GABRB3: variants seen among roughly 807,000 people sequenced by gnomAD.
The protein encoded by GABRB3 is gamma-aminobutyric acid type A receptor subunit beta3.
Under a neutral mutation model 52.1 loss-of-function variants are expected in GABRB3, and 14 were observed. The ratio of observed to expected loss-of-function variants is 0.27; its 90% confidence interval spans 0.18 to 0.42. GABRB3 has a LOEUF of 0.42. Among genes scored for constraint, GABRB3 ranks in the 10% least tolerant of loss-of-function variants. GABRB3 has a pLI of 1.00. For missense variants in GABRB3, 307 were observed against 609.1 expected (o/e 0.50, Z 5.22); for synonymous variants, 260 against 232.3 (o/e 1.12, Z -1.08).
rs367588016 is a variant in GABRB3 at position 26,745,404 on chromosome 15, A to G, written c.240+26998T>C. 3.3e-3 allele frequency among the ~76,000 whole-genome samples: 497 copies of G among 152,342 alleles called. 2 individuals are homozygous for G. Among genetic ancestry groups the G allele is most frequent in the Middle Eastern group, 0.014 (4 of 294 alleles). ...TGTTTACATCTTGTGTAACTATAGT[A>G]CAATATCAAAACCAGGAAAGTGATA... On this transcript the variant is annotated intron_variant, in intron 3 of 8. Transcript: ENST00000311550.
chr15:26,616,665 G>C (rs566130976), intron 4 of GABRB3, among the ~76,000 whole-genome samples: 1 of 150,668 alleles, frequency 6.6e-6, no homozygotes, highest in Admixed American at 6.6e-5. Flanking sequence ...GGCTGTTTGA[G>C]AGGCATGATG....
chr15:26,751,433 A>G (rs182635873), intron 3 of GABRB3, among the ~76,000 whole-genome samples: 116 of 152,318 alleles, frequency 7.6e-4, no homozygotes, highest in African/African-American at 2.5e-3. Flanking sequence ...CCCAGCAGTA[A>G]TAACAGTGCA....
Position 26,592,659 on chromosome 15 carries a change from A to C in GABRB3, c.462-9245T>G, listed in dbSNP as rs544792742. Among the ~76,000 whole-genome samples, 173 of 152,328 alleles carry C rather than the reference A, an allele frequency of 1.1e-3. 1 individual carries two copies. The highest frequency in any genetic ancestry group is 2.3e-3 in the Non-Finnish European group (159 of 68,030). ...TGAAATCTGTACTGAAGGCAAGGGA[A>C]TAGAATTAACATGGCTGAAAATCCT... On this transcript the variant is annotated intron_variant, in intron 4 of 8. Coordinates refer to ENST00000311550, the MANE Select transcript of GABRB3 (RefSeq NM_000814.6).
chr15:26,600,560 G>A (rs1488580404), intron 4 of GABRB3, among the ~76,000 whole-genome samples: 2 of 152,186 alleles, frequency 1.3e-5, no homozygotes, highest in African/African-American at 4.8e-5. Flanking sequence ...TGCATTCTAA[G>A]AAAGAGTGGT....
chr15:26,605,338 T>C (rs1891749249), intron 4 of GABRB3, among the ~76,000 whole-genome samples: 1 of 152,166 alleles, frequency 6.6e-6, no homozygotes, highest in Non-Finnish European at 1.5e-5. Context: ...ACAACCACCA[T>C]GCAGAAAAAT....
intron 3 of GABRB3, among the ~76,000 whole-genome samples, chr15:26,670,555 G>C (rs955953318): frequency 1.3e-5 from 2 of 152,190 alleles, no homozygotes; most frequent in African/African-American, 4.8e-5. Context: ...GCCAGCTCTC[G>C]AGCCGCGCGG....
intron 6 of GABRB3, among the ~76,000 whole-genome samples, chr15:26,573,365 T>C (rs1332950634): frequency 1.3e-5 from 2 of 152,062 alleles, no homozygotes; most frequent in East Asian, 3.8e-4. Context: ...GAAAAGGAAA[T>C]ATAAGAAATA....
chr15:26,549,659 C>A (rs571879683), intron 8 of GABRB3, among the ~76,000 whole-genome samples: 2 of 152,216 alleles, frequency 1.3e-5, no homozygotes, highest in Admixed American at 1.3e-4. Context: ...AAGCATACAA[C>A]CATGAGTGGA....
At chr15:26,728,683 G>A (rs560292207) in intron 3 of GABRB3, among the ~76,000 whole-genome samples, 10 of 152,294 alleles carry the variant, frequency 6.6e-5, no homozygotes, top group East Asian at 1.9e-4. Context: ...CATCATTAAC[G>A]TATTTCATCT....
intron 8 of GABRB3, 70 bp downstream of exon 8, chr15:26,560,862 A>G: frequency 1.2e-6 from 2 of 1,604,404 alleles, no homozygotes; most frequent in Non-Finnish European, 1.7e-6. Flanking sequence ...ACAAAGAAAT[A>G]TCATGCAAGT....
At chr15:26,711,144 T>A (rs1889280944) in intron 3 of GABRB3, among the ~76,000 whole-genome samples, 1 of 152,234 alleles carries the variant, frequency 6.6e-6, no homozygotes, top group Non-Finnish European at 1.5e-5. Context: ...CATCTTCCCT[T>A]TGGAATGATA....
intron 4 of GABRB3, among the ~76,000 whole-genome samples, chr15:26,598,206 G>GT (rs59896096): frequency 2.8e-3 from 423 of 149,950 alleles, no homozygotes; most frequent in African/African-American, 7.9e-3. Flanking sequence ...TAGATCACAA[G>GT]TTTTTTTTTT....
chr15:26,732,766 G>A (rs1889967044), intron 3 of GABRB3, among the ~76,000 whole-genome samples: 1 of 152,080 alleles, frequency 6.6e-6, no homozygotes, highest in Non-Finnish European at 1.5e-5. Context: ...CGAGGCAGGT[G>A]GATCGCGAGG....
intron 3 of GABRB3, among the ~76,000 whole-genome samples, chr15:26,686,614 G>A (rs1000663486): frequency 1.3e-5 from 2 of 152,206 alleles, no homozygotes; most frequent in Admixed American, 1.3e-4. Flanking sequence ...ATAGCTCATG[G>A]AAATATACCC....
At chr15:26,582,147 A>G (rs1218533226) in intron 5 of GABRB3, among the ~76,000 whole-genome samples, 1 of 152,214 alleles carries the variant, frequency 6.6e-6, no homozygotes, top group African/African-American at 2.4e-5. Flanking sequence ...GACCTCACAC[A>G]TGGAGAGAAC....
intron 3 of GABRB3, among the ~76,000 whole-genome samples, chr15:26,749,500 T>A (rs1026334979): frequency 1.3e-5 from 2 of 152,222 alleles, no homozygotes; most frequent in Non-Finnish European, 2.9e-5. Context: ...CTGCTTTTGT[T>A]GTGTAAAATG....
intron 3 of GABRB3, among the ~76,000 whole-genome samples, chr15:26,673,736 C>T (rs1055318429): frequency 1.3e-5 from 2 of 152,156 alleles, no homozygotes; most frequent in African/African-American, 2.4e-5. Context: ...CCACTCTTCA[C>T]GGCAGATGCC....
In GABRB3 at chr15:26,617,701, A is replaced by G. The variant is rs1595486639; in HGVS notation, c.461+3613T>C. On this transcript the variant is annotated intron_variant, in intron 4 of 8. Coordinates refer to ENST00000311550, the MANE Select transcript of GABRB3 (RefSeq NM_000814.6). ...AGGAGAAGGAAATAAAGGGTATTCA[A>G]TTAGGAAAAGAGGAAGTCAAATTGT... is the stretch of plus-strand genomic sequence containing the variant. Among the ~76,000 whole-genome samples, 6 of 152,140 alleles carry G rather than the reference A, an allele frequency of 3.9e-5. No individual in the cohort carries two copies. The South Asian group carries it at 8.3e-4, about 21-fold the overall frequency.
At chr15:26,718,604 GTT>G (rs773697909) in intron 3 of GABRB3, among the ~76,000 whole-genome samples, 1 of 151,194 alleles carries the variant, frequency 6.6e-6, no homozygotes, top group Non-Finnish European at 1.5e-5. Flanking sequence ...TGCTCAATGT[GTT>G]TTTTTTTCTT....
Sources: allele counts gnomAD v4.1 joint callset (sites outside exome capture counted in the v4.1 genomes callset), GRCh38; gene constraint gnomAD v4.1.1; transcripts MANE v1.5; gene names NCBI Gene and HGNC (gene_info 2026-07-23, HGNC 2026-07-21).